The following RASGEF1A variants were observed in gnomAD, a reference collection of about 807,000 sequenced individuals.
RASGEF1A encodes the protein ras-GEF domain-containing family member 1A.
Under a neutral mutation model 56.4 loss-of-function variants are expected in RASGEF1A, and 18 were observed. That is an observed-to-expected ratio of 0.32 (90% CI 0.22 to 0.47). RASGEF1A has a LOEUF of 0.47. Among genes scored for constraint, RASGEF1A ranks in the 20% least tolerant of loss-of-function variants. RASGEF1A has a pLI of 1.00. For synonymous variants in RASGEF1A, 245 were observed against 242.6 expected, an observed-to-expected ratio of 1.01 and a Z score of -0.09; for missense variants, 422 against 627.1, an observed-to-expected ratio of 0.67 and a Z score of 3.49.
intron 5 of RASGEF1A, 71 bp downstream of exon 5, chr10:43,200,596 A>G (rs988389391): frequency 1.5e-6 from 2 of 1,358,438 alleles, no homozygotes. Flanking sequence ...AGGGGCCTGA[A>G]GTGCTGTGCT....
rs189363654 is a variant in RASGEF1A, at chr10:43,221,265, G to C, written c.-6-15143C>G. Among the ~76,000 whole-genome samples the C allele has an allele frequency of 4.6e-5, 7 of 152,272 alleles. No homozygotes were observed. The South Asian group carries it at 1.2e-3, about 27-fold the overall frequency. ...TGGAATATATTTGCATGATTGTTGGGGTGTGAAAACGTCCCAATAAACCAT... is the reference window on the plus strand; with the variant it reads ...TGGAATATATTTGCATGATTGTTGGCGTGTGAAAACGTCCCAATAAACCAT... On this transcript the variant is annotated intron_variant, in intron 1 of 12. Transcript: ENST00000395810.
chr10:43,229,185 C>T (rs1312956280), intron 1 of RASGEF1A, among the ~76,000 whole-genome samples: 2 of 152,210 alleles, frequency 1.3e-5, no homozygotes, highest in South Asian at 2.1e-4. Context: ...GCTCACAAGG[C>T]ACAGGCACGG....
At chr10:43,240,209 A>G (rs1385606273) in intron 1 of RASGEF1A, among the ~76,000 whole-genome samples, 1 of 152,226 alleles carries the variant, frequency 6.6e-6, no homozygotes, top group Non-Finnish European at 1.5e-5. Flanking sequence ...GCACTTATGA[A>G]AATTTCTTTC....
intron 1 of RASGEF1A, chr10:43,229,648 G>A (rs1315840416): frequency 1.1e-5 from 17 of 1,493,154 alleles, no homozygotes; most frequent in Non-Finnish European, 1.5e-5. Context: ...TGGGGCTCCA[G>A]GAACATTCTG....
intron 1 of RASGEF1A, among the ~76,000 whole-genome samples, chr10:43,236,014 C>T (rs1486751509): frequency 6.6e-6 from 1 of 152,114 alleles, no homozygotes; most frequent in Non-Finnish European, 1.5e-5. Context: ...ATACCCCTGA[C>T]ACCCCAATGA....
intron 1 of RASGEF1A, among the ~76,000 whole-genome samples, chr10:43,215,988 G>T (rs11238476): frequency 0.16 from 23,908 of 152,186 alleles, 2,621 homozygotes; most frequent in East Asian, 0.51. Context: ...TGGCGCCAAA[G>T]CCTGGGAGCT....
At position 43,206,018 on chromosome 10, in the gene RASGEF1A, G is replaced by T; in HGVS notation, c.99C>A (p.Gly33=). 2.5e-6 allele frequency: 4 copies of T among 1,608,340 alleles called. No individual in the cohort carries two copies. The highest frequency in any genetic ancestry group is 3.4e-6 in the Non-Finnish European group (4 of 1,177,730). ...GMGERGGGAG[G]GSGDLIFQDG... is the part of the protein sequence containing the mutation. Reference sequence around the variant, plus strand: ...CTTGGAAGATGAGGTCCCCGGAGCCGCCACCGGCCCCGCCTCCACGCTCCC... The same window carrying T: ...CTTGGAAGATGAGGTCCCCGGAGCCTCCACCGGCCCCGCCTCCACGCTCCC... Residue 33 remains glycine, a synonymous_variant, in exon 2 of 13, where the codon GGC becomes GGA. Coordinates refer to ENST00000395810, the MANE Select transcript of RASGEF1A (RefSeq NM_145313.4).
chr10:43,259,959 C>G (rs1303087019), intron 1 of RASGEF1A, among the ~76,000 whole-genome samples: 1 of 152,020 alleles, frequency 6.6e-6, no homozygotes, highest in Non-Finnish European at 1.5e-5. Flanking sequence ...AAGGGAGGCA[C>G]CAGAGAACCA....
At chr10:43,234,987 T>A (rs2133213653) in intron 1 of RASGEF1A, among the ~76,000 whole-genome samples, 1 of 152,280 alleles carries the variant, frequency 6.6e-6, no homozygotes, top group East Asian at 1.9e-4. Context: ...ATGGCCCTAA[T>A]CAAAACCACA....
At position 43,209,727 on chromosome 10, in the gene RASGEF1A, C is replaced by T. The variant is rs554357296; in HGVS notation, c.-6-3605G>A. ...CAGAGATAGGGCTGTGGCGGGCCAGCTTGCTCAACCAGCATTTGTGGGAAC... is the reference window on the plus strand; with the variant it reads ...CAGAGATAGGGCTGTGGCGGGCCAGTTTGCTCAACCAGCATTTGTGGGAAC... On this transcript the variant is annotated intron_variant, in intron 1 of 12. Coordinates refer to ENST00000395810, the MANE Select transcript of RASGEF1A (RefSeq NM_145313.4). Among the ~76,000 whole-genome samples, 4 of 152,312 alleles carry T rather than the reference C, an allele frequency of 2.6e-5. No individual in the cohort carries two copies. The South Asian group carries it at 8.3e-4, about 32-fold the overall frequency.
chr10:43,203,504 T>C (rs1588929570), intron 2 of RASGEF1A, 84 bp from the exon 3 acceptor site: 1 of 1,444,816 alleles, frequency 6.9e-7, no homozygotes, highest in East Asian at 2.7e-5. Context: ...CTGGCCCGGC[T>C]GCCTCCCAGG....
At chr10:43,238,612 G>A (rs1266345591) in intron 1 of RASGEF1A, among the ~76,000 whole-genome samples, 1 of 152,172 alleles carries the variant, frequency 6.6e-6, no homozygotes, top group African/African-American at 2.4e-5. Context: ...GTCCTCTTTT[G>A]GCAGGTCCCT....
intron 1 of RASGEF1A, among the ~76,000 whole-genome samples, chr10:43,217,698 T>C (rs1840156185): frequency 6.6e-6 from 1 of 152,202 alleles, no homozygotes; most frequent in Admixed American, 6.5e-5. Context: ...GGACTCTGAC[T>C]CTGCCCAGGT....
chr10:43,202,073 C>T (rs781358884), intron 3 of RASGEF1A, 128 bp from the exon 4 acceptor site: 227 of 1,041,846 alleles, frequency 2.2e-4, no homozygotes, highest in Non-Finnish European at 2.8e-4. Context: ...CCCCCAACTG[C>T]GTGCCACCTG....
chr10:43,238,273 G>C (rs1375297060), intron 1 of RASGEF1A, among the ~76,000 whole-genome samples: 2 of 152,106 alleles, frequency 1.3e-5, no homozygotes, highest in African/African-American at 4.8e-5. Flanking sequence ...ATTGAGACCT[G>C]CCTTCGGGGG....
chr10:43,257,767 TATA>T (rs1836449255), intron 1 of RASGEF1A, among the ~76,000 whole-genome samples: 1 of 152,156 alleles, frequency 6.6e-6, no homozygotes. Flanking sequence ...ACATGTGCTG[TATA>T]ATGTCTGGTT....
rs745678539 is a variant in RASGEF1A at position 43,198,151 on chromosome 10, G to A, written c.1077C>T (p.Ala359=). ...PSSNFCNYRT[A]LQGATQRSQM... is the part of the protein sequence containing the mutation. ...GGGACCTCTGCGTGGCCCCCTGCAGGGCTGTACGGTAGTTGCAGAAGTTGC... is the reference window on the plus strand; with the variant it reads ...GGGACCTCTGCGTGGCCCCCTGCAGAGCTGTACGGTAGTTGCAGAAGTTGC... The change falls in exon 10 of 13, where the codon GCC becomes GCT. Residue 359 remains alanine, a synonymous_variant. Coordinates refer to ENST00000395810, the MANE Select transcript of RASGEF1A (RefSeq NM_145313.4). The A allele has an allele frequency of 1.2e-6, 2 of 1,614,038 alleles. No individual in the cohort carries two copies. Among genetic ancestry groups the A allele is most frequent in the East Asian group, 4.5e-5 (2 of 44,882 alleles).
Position 43,203,298 on chromosome 10 carries a change from C to T in RASGEF1A, c.321G>A (p.Lys107=). Residue 107 remains lysine, a splice_region_variant and synonymous_variant, in exon 3 of 13, where the codon AAG becomes AAA. Coordinates refer to ENST00000395810, the MANE Select transcript of RASGEF1A (RefSeq NM_145313.4). ...GTGCCCCAGCCAGGCCCCGCCTCACCTTTTCAGGCCCGGCTTCCAGCTGCT... is the reference window on the plus strand; with the variant it reads ...GTGCCCCAGCCAGGCCCCGCCTCACTTTTTCAGGCCCGGCTTCCAGCTGCT... The part of the protein sequence containing the change: ...QKQQLEAGPE[K]AKLKSFSAKI... 1.3e-6 allele frequency: 2 copies of T among 1,554,310 alleles called. No individual in the cohort carries two copies. The highest frequency in any genetic ancestry group is 1.2e-5 in the South Asian group (1 of 84,426).
chr10:43,247,660 G>T (rs1840581488), intron 1 of RASGEF1A, among the ~76,000 whole-genome samples: 1 of 152,230 alleles, frequency 6.6e-6, no homozygotes, highest in Admixed American at 6.5e-5. Flanking sequence ...CATGTTGCAT[G>T]ATTCCACTTA....
Sources: gnomAD v4.1 joint callset for allele counts (sites outside exome capture counted in the v4.1 genomes callset) on GRCh38, gnomAD v4.1.1 for gene constraint, MANE v1.5 for transcripts, NCBI Gene and HGNC (gene_info 2026-07-23, HGNC 2026-07-21) for gene names.